Variants in EYS observed in about 807,000 individuals in gnomAD.
The protein encoded by EYS is EGF-like photoreceptor maintenance factor, also known as protein eyes shut homolog.
A neutral mutation model predicts 282.1 loss-of-function variants in EYS; 250 were observed. That is an observed-to-expected ratio of 0.89 (90% CI 0.80 to 0.98). EYS has a LOEUF of 0.98. Ranked by LOEUF, EYS falls within the 50% of genes least tolerant of loss-of-function variation. EYS has a pLI of 0.00. For synonymous variants in EYS, 1,355 were observed against 1,282.9 expected, an observed-to-expected ratio of 1.06 and a Z score of -1.20; for missense variants, 4,016 against 3,709.0, an observed-to-expected ratio of 1.08 and a Z score of -2.15.
chr6:64,032,085 C>T (rs1300715295), intron 33 of EYS, among the ~76,000 whole-genome samples: 3 of 152,110 alleles, frequency 2.0e-5, no homozygotes, highest in South Asian at 2.1e-4. Flanking sequence ...ACGAACTCAC[C>T]GGGAGGAATG....
intron 22 of EYS, among the ~76,000 whole-genome samples, chr6:64,772,281 A>G (rs1331487649): frequency 6.6e-6 from 1 of 151,720 alleles, no homozygotes; most frequent in Non-Finnish European, 1.5e-5. Context: ...TTGTTTTTCA[A>G]AAGTTTGTGA....
chr6:65,513,817 A>T (rs1255818785), intron 2 of EYS, among the ~76,000 whole-genome samples: 1 of 150,936 alleles, frequency 6.6e-6, no homozygotes, highest in African/African-American at 2.4e-5. Context: ...ATCTATGACA[A>T]ACCCACAGCC....
intron 22 of EYS, among the ~76,000 whole-genome samples, chr6:64,659,425 C>G (rs1360963803): frequency 6.6e-6 from 1 of 151,800 alleles, no homozygotes; most frequent in Non-Finnish European, 1.5e-5. Flanking sequence ...AAAAACCCTT[C>G]AAAAAATCAA....
intron 36 of EYS, among the ~76,000 whole-genome samples, chr6:63,818,492 C>T (rs1451737609): frequency 6.6e-6 from 1 of 152,192 alleles, no homozygotes; most frequent in Non-Finnish European, 1.5e-5. Flanking sequence ...AATTCTCTCA[C>T]CTTCAGTGTT....
intron 15 of EYS, among the ~76,000 whole-genome samples, chr6:64,925,519 T>A (rs557554951): frequency 2.0e-5 from 3 of 152,236 alleles, no homozygotes; most frequent in African/African-American, 4.8e-5. Context: ...GTGTGAATAA[T>A]AGTGGTAGCA....
intron 2 of EYS, among the ~76,000 whole-genome samples, chr6:65,581,141 T>C (rs1206000646): frequency 6.6e-6 from 1 of 152,136 alleles, no homozygotes; most frequent in Non-Finnish European, 1.5e-5. Context: ...TAAATTGATG[T>C]GGGACTTCTT....
At chr6:64,884,407 AG>A (rs1262411900) in intron 19 of EYS, among the ~76,000 whole-genome samples, 2 of 151,578 alleles carry the variant, frequency 1.3e-5, no homozygotes, top group Non-Finnish European at 3.0e-5. Flanking sequence ...TGTCACTACC[AG>A]ATGTATGATC....
At chr6:64,027,143 C>G (rs1038867893) in intron 33 of EYS, among the ~76,000 whole-genome samples, 2 of 152,150 alleles carry the variant, frequency 1.3e-5, no homozygotes, top group Non-Finnish European at 2.9e-5. Flanking sequence ...CAAGCCATCC[C>G]CAGTATGGAT....
At chr6:65,140,805 C>A (rs1434662607) in intron 12 of EYS, among the ~76,000 whole-genome samples, 2 of 151,266 alleles carry the variant, frequency 1.3e-5, no homozygotes, top group Non-Finnish European at 3.0e-5. Context: ...CCATCTCACA[C>A]CAGTTAGAAT....
At chr6:64,661,815 T>G (rs9360018) in intron 22 of EYS, among the ~76,000 whole-genome samples, 72,397 of 121,246 alleles carry the variant, frequency 0.6, 22,193 homozygotes, top group African/African-American at 0.66. Context: ...CATTGTGGAA[T>G]TCAGTGTGGC....
chr6:63,766,277 A>G (rs1394092329), intron 40 of EYS, among the ~76,000 whole-genome samples: 4 of 151,994 alleles, frequency 2.6e-5, no homozygotes, highest in Non-Finnish European at 4.4e-5. Context: ...GGTAGGCCAG[A>G]TTTGGCCCAT....
At chr6:65,284,214 C>T (rs1768298489) in intron 12 of EYS, among the ~76,000 whole-genome samples, 1 of 152,066 alleles carries the variant, frequency 6.6e-6, no homozygotes, top group Non-Finnish European at 1.5e-5. Context: ...TAATGGCTAC[C>T]AGATAACAGA....
At chr6:64,955,741 G>T (rs1256844680) in intron 14 of EYS, among the ~76,000 whole-genome samples, 1 of 152,158 alleles carries the variant, frequency 6.6e-6, no homozygotes, top group South Asian at 2.1e-4. Flanking sequence ...TAGATGCAAC[G>T]TCCCCGGGGG....
At chr6:64,580,773 A>C (rs945200291) in intron 26 of EYS, among the ~76,000 whole-genome samples, 5 of 152,142 alleles carry the variant, frequency 3.3e-5, no homozygotes, top group African/African-American at 1.2e-4. Context: ...GTCCATTTAG[A>C]GAGAACTGCA....
chr6:64,439,456 C>T (rs1426118878), intron 26 of EYS, 104 bp from the exon 27 acceptor site: 1 of 682,046 alleles, frequency 1.5e-6, no homozygotes, highest in African/African-American at 1.9e-5. Flanking sequence ...ACTCATACGT[C>T]TCTTTCCTGC....
Position 64,675,636 on chromosome 6 carries a change from G to T in EYS, c.3444-49391C>A, listed in dbSNP as rs192832229. Among the ~76,000 whole-genome samples, 147 of 151,800 alleles carry T rather than the reference G, an allele frequency of 9.7e-4. 5 individuals carry two copies. The East Asian group carries it at 0.026, about 27-fold the overall frequency. ...GTAGAGACAGGGTTTCACCATGTTG[G>T]CTAGGCTGATCTCGAACTTTACCTC... is the stretch of plus-strand genomic sequence containing the variant. On this transcript the variant is annotated intron_variant, in intron 22 of 42. Transcript: ENST00000503581.
chr6:64,245,169 A>G (rs2150345335), intron 30 of EYS, among the ~76,000 whole-genome samples: 1 of 152,192 alleles, frequency 6.6e-6, no homozygotes, highest in South Asian at 2.1e-4. Context: ...ATGTCCATCA[A>G]TGATAGACTG....
intron 4 of EYS, among the ~76,000 whole-genome samples, chr6:65,493,013 T>C (rs1766104432): frequency 1.3e-5 from 2 of 152,128 alleles, no homozygotes; most frequent in African/African-American, 4.8e-5. Context: ...ACCTCCTGGT[T>C]CAAGGGATTC....
At chr6:64,801,756 T>C (rs779151905) in intron 22 of EYS, among the ~76,000 whole-genome samples, 7 of 152,150 alleles carry the variant, frequency 4.6e-5, no homozygotes, top group Non-Finnish European at 8.8e-5. Context: ...TTTATTCTAA[T>C]TATTTCATAA....
Sources: allele counts gnomAD v4.1 joint callset (sites outside exome capture counted in the v4.1 genomes callset), GRCh38; gene constraint gnomAD v4.1.1; transcripts MANE v1.5; gene names NCBI Gene and HGNC (gene_info 2026-07-23, HGNC 2026-07-21).